Variants in ART3 observed in about 807,000 individuals in gnomAD.
ART3 encodes the protein ADP-ribosyltransferase 3 (inactive).
A neutral mutation model predicts 48.5 loss-of-function variants in ART3; 49 were observed. That is an observed-to-expected ratio of 1.01 (90% CI 0.80 to 1.28). The LOEUF is 1.28. Ranked by LOEUF, ART3 falls within the 50% of genes most tolerant of loss-of-function variation. The pLI, the probability that ART3 is intolerant of heterozygous loss-of-function variation, is 0.00. For missense variants in ART3, 438 were observed against 454.3 expected, an observed-to-expected ratio of 0.96 and a Z score of 0.33; for synonymous variants, 145 against 157.2, an observed-to-expected ratio of 0.92 and a Z score of 0.58.
intron 1 of ART3, among the ~76,000 whole-genome samples, chr4:76,048,039 G>A (rs1283996152): frequency 1.3e-5 from 2 of 151,848 alleles, no homozygotes; most frequent in African/African-American, 4.8e-5. Context: ...TATAGCCCAG[G>A]GGTTTTTATG....
chr4:76,040,620 A>G (rs1267128090), intron 1 of ART3, among the ~76,000 whole-genome samples: 1 of 145,152 alleles, frequency 6.9e-6, no homozygotes, highest in Non-Finnish European at 1.5e-5. Context: ...TTCCTCTGTG[A>G]GGAAGACTAC....
intron 1 of ART3, among the ~76,000 whole-genome samples, chr4:76,029,046 T>C (rs908116702): frequency 4.6e-5 from 7 of 152,222 alleles, no homozygotes; most frequent in Admixed American, 1.3e-4. Context: ...AAATAAGATA[T>C]TTCAACAAAA....
intron 1 of ART3, among the ~76,000 whole-genome samples, chr4:76,041,942 G>A (rs1735011674): frequency 6.6e-6 from 1 of 152,168 alleles, no homozygotes; most frequent in South Asian, 2.1e-4. Context: ...ATGCAAAAAA[G>A]ATCAGATACA....
intron 1 of ART3, among the ~76,000 whole-genome samples, chr4:76,043,319 A>G (rs184310000): frequency 0.013 from 2,043 of 152,010 alleles, 55 homozygotes; most frequent in African/African-American, 0.045. Context: ...TGGGTGGTCA[A>G]TGGGACTGGG....
intron 10 of ART3, chr4:76,106,109 A>T: frequency 1.0e-6 from 1 of 985,348 alleles, no homozygotes; most frequent in Non-Finnish European, 1.2e-6. Flanking sequence ...CACTTCAGAG[A>T]TGAGAACATG....
chr4:76,051,682 G>A (rs28655366), intron 1 of ART3, among the ~76,000 whole-genome samples: 32,896 of 151,596 alleles, frequency 0.22, 4,063 homozygotes, highest in East Asian at 0.4. Context: ...TGGGACTATG[G>A]GCACACACGT....
intron 1 of ART3, among the ~76,000 whole-genome samples, chr4:76,058,887 A>G (rs1177621699): frequency 6.6e-6 from 1 of 152,224 alleles, no homozygotes; most frequent in Non-Finnish European, 1.5e-5. Flanking sequence ...GAGAGGTTCC[A>G]GAGCTCTGTG....
intron 10 of ART3, among the ~76,000 whole-genome samples, chr4:76,104,867 TA>T (rs1369865382): frequency 3.3e-5 from 5 of 152,230 alleles, no homozygotes; most frequent in Admixed American, 6.5e-5. Flanking sequence ...TACTTTGAAA[TA>T]TTTTTTTGCA....
chr4:76,013,296 G>A (rs1315373924), intron 1 of ART3, among the ~76,000 whole-genome samples: 1 of 152,162 alleles, frequency 6.6e-6, no homozygotes, highest in Non-Finnish European at 1.5e-5. Flanking sequence ...AAGGGTGGAC[G>A]GTAGAGTGAA....
intron 1 of ART3, among the ~76,000 whole-genome samples, chr4:76,062,178 G>C (rs1193219806): frequency 3.3e-5 from 5 of 152,138 alleles, no homozygotes; most frequent in Non-Finnish European, 7.4e-5. Flanking sequence ...ATCTGCAAGA[G>C]GGATTACCCC....
intron 1 of ART3, among the ~76,000 whole-genome samples, chr4:76,038,815 T>C (rs906374334): frequency 2.0e-5 from 3 of 151,868 alleles, no homozygotes; most frequent in African/African-American, 7.3e-5. Context: ...CTCTGCCTCC[T>C]GGATTCAAGT....
At chr4:76,040,122 C>T (rs1018733663) in intron 1 of ART3, among the ~76,000 whole-genome samples, 7 of 151,992 alleles carry the variant, frequency 4.6e-5, no homozygotes, top group Non-Finnish European at 7.4e-5. Context: ...GTCAGGAGTT[C>T]GAGACCAGCC....
intron 1 of ART3, chr4:76,036,918 G>C (rs10031983): frequency 0.22 from 44,205 of 201,864 alleles, 5,682 homozygotes; most frequent in East Asian, 0.39. Context: ...CGTTAGGGGT[G>C]AAGCCACACA....
chr4:76,058,960 G>T (rs1007072790), intron 1 of ART3, among the ~76,000 whole-genome samples: 3 of 152,268 alleles, frequency 2.0e-5, no homozygotes, highest in Non-Finnish European at 1.5e-5. Flanking sequence ...AGTGAGGTAC[G>T]GAAACAGCTG....
chr4:76,077,892 G>T (rs963026789), intron 2 of ART3, among the ~76,000 whole-genome samples: 2 of 152,132 alleles, frequency 1.3e-5, no homozygotes, highest in African/African-American at 4.8e-5. Flanking sequence ...TATAGCCATC[G>T]TAGAGGATAT....
Position 76,082,087 on chromosome 4 carries a change from T to A in ART3, c.333T>A (p.Phe111Leu). 3.7e-6 allele frequency: 6 copies of A among 1,614,198 alleles called. No individual in the cohort carries two copies. Among genetic ancestry groups the A allele is most frequent in the Non-Finnish European group, 5.1e-6 (6 of 1,180,038 alleles). Reference protein sequence around the residue: ...YISEAQEQTPFYHLFSEAVKM... With the variant: ...YISEAQEQTPLYHLFSEAVKM... ...CCGAAGCTCAAGAGCAAACTCCCTT[T>A]TACCATCTGTTCAGTGAAGCTGTGA... is the stretch of plus-strand genomic sequence containing the variant. The change falls in exon 3 of 12, where the codon TTT becomes TTA. Residue 111 changes from phenylalanine to leucine, a missense_variant. Phe to Leu is a conservative substitution (Grantham distance 22). Transcript: ENST00000355810.
chr4:76,102,481 G>C (rs1727550716), intron 8 of ART3, among the ~76,000 whole-genome samples: 1 of 151,930 alleles, frequency 6.6e-6, no homozygotes, highest in South Asian at 2.1e-4. Flanking sequence ...TTTGACAGTA[G>C]CAAAAATTTA....
intron 3 of ART3, among the ~76,000 whole-genome samples, chr4:76,097,432 C>T (rs1409905831): frequency 6.6e-6 from 1 of 152,088 alleles, no homozygotes; most frequent in African/African-American, 2.4e-5. Flanking sequence ...GTCTTGAACT[C>T]CTGGGCTGAA....
At chr4:76,082,573 AGG>A in intron 3 of ART3, 38 bp downstream of exon 3, 1 of 1,496,788 alleles carries the variant, frequency 6.7e-7, no homozygotes, top group Non-Finnish European at 8.9e-7. Context: ...CTGGGAGGGA[AGG>A]AGTGGGATTC....
Sources: gnomAD v4.1 joint callset for allele counts (sites outside exome capture counted in the v4.1 genomes callset) on GRCh38, gnomAD v4.1.1 for gene constraint, MANE v1.5 for transcripts, NCBI Gene and HGNC (gene_info 2026-07-23, HGNC 2026-07-21) for gene names.